The following TEX15 variants were observed in gnomAD, a reference collection of about 807,000 sequenced individuals.
TEX15 encodes testis-expressed protein 15.
TEX15 carries 171 observed loss-of-function variants against 237.3 expected under a neutral mutation model. That is an observed-to-expected ratio of 0.72 (90% CI 0.64 to 0.82). TEX15 has a LOEUF of 0.82. Among genes scored for constraint, TEX15 ranks in the 40% least tolerant of loss-of-function variants. TEX15 has a pLI of 0.00. For synonymous variants in TEX15, 1,338 were observed against 1,269.8 expected (o/e 1.05, Z -1.14); for missense variants, 3,750 against 3,646.5 (o/e 1.03, Z -0.73).
intron 7 of TEX15, among the ~76,000 whole-genome samples, chr8:30,851,957 T>C (rs528417476): frequency 6.6e-6 from 1 of 152,158 alleles, no homozygotes; most frequent in East Asian, 1.9e-4. Context: ...AAAAAAACCC[T>C]AACTGCTTAA....
intron 5 of TEX15, 90 bp from the exon 6 acceptor site, chr8:30,860,147 G>A (rs1808014100): frequency 2.8e-5 from 33 of 1,173,434 alleles, no homozygotes; most frequent in Non-Finnish European, 3.6e-5. Context: ...GGCTAACATT[G>A]CTTTGTTTTT....
intron 7 of TEX15, among the ~76,000 whole-genome samples, chr8:30,857,001 G>A: frequency 6.6e-6 from 1 of 152,162 alleles, no homozygotes; most frequent in East Asian, 1.9e-4. Flanking sequence ...AGTTATATAG[G>A]TATTAGTATT....
chr8:30,852,912 C>A (rs1807819450), intron 7 of TEX15, among the ~76,000 whole-genome samples: 1 of 152,082 alleles, frequency 6.6e-6, no homozygotes, highest in African/African-American at 2.4e-5. Flanking sequence ...GTGTGACTGA[C>A]AAATTGAATT....
At chr8:30,888,528 G>C in intron 2 of TEX15, 1 of 938,248 alleles carries the variant, frequency 1.1e-6, no homozygotes, top group Non-Finnish European at 1.5e-6. Context: ...TCCATCCCCT[G>C]CCAAATATTG....
rs1222606290 is a variant in TEX15 at position 30,844,396 on chromosome 8, T to C, written c.5771A>G (p.Lys1924Arg). Reference sequence around the variant, plus strand: ...TTTACTAACTTTAATTTCCCCCTTCTTCTCTCTTTTGTTAAGCGGATTAGA... The same window carrying C: ...TTTACTAACTTTAATTTCCCCCTTCCTCTCTCTTTTGTTAAGCGGATTAGA... ...TVSNPLNKRE[K>R]KGEIKVSKDS... The change falls in exon 8 of 11, where the codon AAG (lysine) becomes AGG (arginine). Residue 1924 changes from lysine to arginine, a missense_variant. Physicochemically the swap from Lys to Arg is conservative, Grantham distance 26. Transcript: ENST00000643185. The C allele has an allele frequency of 1.2e-6, 2 of 1,610,556 alleles. No individual in the cohort carries two copies. Among genetic ancestry groups the C allele is most frequent in the Non-Finnish European group, 1.7e-6 (2 of 1,178,724 alleles).
At chr8:30,857,047 T>C (rs1171382418) in intron 7 of TEX15, among the ~76,000 whole-genome samples, 1 of 152,172 alleles carries the variant, frequency 6.6e-6, no homozygotes, top group Non-Finnish European at 1.5e-5. Flanking sequence ...ATTAGTATTT[T>C]TAATGAAGTT....
intron 3 of TEX15, among the ~76,000 whole-genome samples, chr8:30,875,736 T>C (rs1288995264): frequency 6.6e-6 from 1 of 151,886 alleles, no homozygotes; most frequent in African/African-American, 2.4e-5. Context: ...CAACATCGAG[T>C]CACAAACACT....
chr8:30,906,226 C>T (rs1489597070), intron 1 of TEX15, among the ~76,000 whole-genome samples: 2 of 152,118 alleles, frequency 1.3e-5, no homozygotes, highest in African/African-American at 4.8e-5. Flanking sequence ...AACATTCCTC[C>T]ATTCTTCTTC....
intron 7 of TEX15, among the ~76,000 whole-genome samples, chr8:30,851,518 G>C (rs894121360): frequency 2.0e-5 from 3 of 151,252 alleles, no homozygotes; most frequent in Non-Finnish European, 4.4e-5. Flanking sequence ...GTAGTCCCAG[G>C]TACTCGGGAG....
Position 30,849,314 on chromosome 8 carries a change from T to C in TEX15, c.853A>G (p.Arg285Gly), listed in dbSNP as rs1463022622. The change falls in exon 8 of 11, where the codon AGG becomes GGG. Residue 285 changes from arginine (R) to glycine (G), a missense_variant and splice_region_variant. By Grantham distance (125) the Arg-to-Gly change is moderately radical. Transcript: ENST00000643185. ...LSTGFPKRAE[R>G]TCSLNNCTVA... ...GTACAGTTATTCAGAGAGCATGTCC[T>C]TTCTGTGGAAATAATAAGGAAGACA... is the stretch of plus-strand genomic sequence containing the variant. 38 of 1,494,924 alleles carry C rather than the reference T, an allele frequency of 2.5e-5. No individual in the cohort carries two copies. Among genetic ancestry groups the C allele is most frequent in the Non-Finnish European group, 3.1e-5 (35 of 1,129,406 alleles). 92.6% of individuals were successfully genotyped at this position (1,494,924 alleles called of 1,614,324 possible).
At position 30,843,122 on chromosome 8, in the gene TEX15, C is replaced by T. The variant is rs112636382; in HGVS notation, c.7045G>A (p.Glu2349Lys). 1.6e-3 allele frequency: 2,624 copies of T among 1,612,964 alleles called. 37 individuals are homozygous for T. The African/African-American group carries it at 0.031, about 19-fold the overall frequency. ...GAATTTTCTATGCTAATTGTTGCTT[C>T]GTTTATTGGATGATCTGACTTTCTG... Reference protein sequence around the residue: ...ASRKSDHPINEATISIENSKF... With the variant: ...ASRKSDHPINKATISIENSKF... Residue 2349 changes from glutamate to lysine, a missense_variant, in exon 8 of 11, where the codon GAA becomes AAA. Glu to Lys is a moderately conservative substitution (Grantham distance 56, BLOSUM62 1). Coordinates refer to ENST00000643185, the MANE Select transcript of TEX15 (RefSeq NM_001350162.2).
intron 1 of TEX15, among the ~76,000 whole-genome samples, chr8:30,901,720 A>T (rs2128779218): frequency 6.6e-6 from 1 of 152,356 alleles, no homozygotes; most frequent in African/African-American, 2.4e-5. Context: ...GTAAAAATCT[A>T]TTCCACTCAA....
Position 30,848,415 on chromosome 8 carries a change from C to T in TEX15, c.1752G>A (p.Ser584=), listed in dbSNP as rs545779444. The T allele has an allele frequency of 3.9e-5, 63 of 1,614,098 alleles. No homozygotes were observed. Among genetic ancestry groups the T allele is most frequent in the East Asian group, 3.8e-4 (17 of 44,884 alleles). ...KEYSSHIFQD[S]QSSDLKTIYQ... ...AAATTGTTTTTAAATCAGAAGACTGCGAGTCCTGAAAAATGTGACTACTGT... is the reference window on the plus strand; with the variant it reads ...AAATTGTTTTTAAATCAGAAGACTGTGAGTCCTGAAAAATGTGACTACTGT... Residue 584 remains serine (S), a synonymous_variant, in exon 8 of 11, where the codon TCG becomes TCA. Transcript: ENST00000643185.
intron 1 of TEX15, among the ~76,000 whole-genome samples, chr8:30,904,770 A>G (rs142151367): frequency 8.9e-4 from 136 of 152,342 alleles, no homozygotes; most frequent in Admixed American, 2.9e-3. Context: ...CAAAGAAGTC[A>G]ACAGCTTTAT....
At chr8:30,860,162 G>T in intron 5 of TEX15, 105 bp from the exon 6 acceptor site, 1 of 1,052,552 alleles carries the variant, frequency 9.5e-7, no homozygotes, top group South Asian at 1.9e-5. Flanking sequence ...GTTTTTCTGA[G>T]ACAGGGTCTC....
Position 30,839,974 on chromosome 8 carries a change from A to G in TEX15, c.8164-10T>C, listed in dbSNP as rs752138973. ...CATCTTTCATGTCTACCTGTGTTTA[A>G]AAGATACAAAGAAAATCTTCATTAG... is the stretch of plus-strand genomic sequence containing the variant. On this transcript the variant is annotated splice_polypyrimidine_tract_variant and intron_variant, in intron 8 of 10. Coordinates refer to ENST00000643185, the MANE Select transcript of TEX15 (RefSeq NM_001350162.2). The G allele has an allele frequency of 9.0e-6, 14 of 1,548,648 alleles. No homozygotes were observed. The highest frequency in any genetic ancestry group is 1.2e-5 in the Non-Finnish European group (14 of 1,143,074).
intron 3 of TEX15, among the ~76,000 whole-genome samples, chr8:30,884,713 CCTTT>C (rs1488148120): frequency 6.6e-6 from 1 of 151,986 alleles, no homozygotes; most frequent in Non-Finnish European, 1.5e-5. Flanking sequence ...ATCTGTGCTC[CCTTT>C]TTTTTCTTAG....
rs770402767 is a variant in TEX15, at chr8:30,891,042, G to T, written c.-9-3731C>A. 3.1e-4 allele frequency among the ~76,000 whole-genome samples: 47 copies of T among 152,146 alleles called. 1 individual carries two copies. Among genetic ancestry groups the T allele is most frequent in the South Asian group, 4.1e-4 (2 of 4,822 alleles). On this transcript the variant is annotated intron_variant, in intron 2 of 10. Transcript: ENST00000643185. ...CTACATGAGGAAGATTCCTCACACA[G>T]AAAAACTAATTTCTGTATAGTCTCA...
chr8:30,852,126 T>TTTG (rs1491117884), intron 7 of TEX15, among the ~76,000 whole-genome samples: 1 of 136,288 alleles, frequency 7.3e-6, no homozygotes, highest in African/African-American at 2.7e-5. Flanking sequence ...TTTTTTTTTT[T>TTTG]GAGACAGAGT....
Sources: allele counts gnomAD v4.1 joint callset (sites outside exome capture counted in the v4.1 genomes callset), GRCh38; gene constraint gnomAD v4.1.1; transcripts MANE v1.5; gene names NCBI Gene and HGNC (gene_info 2026-07-23, HGNC 2026-07-21).